The following KCNJ3 variants were observed in gnomAD, a reference collection of about 807,000 sequenced individuals.
The protein encoded by KCNJ3 is G protein-activated inward rectifier potassium channel 1.
Under a neutral mutation model 39.2 loss-of-function variants are expected in KCNJ3, and 4 were observed. The observed-to-expected ratio is 0.10, with a 90% CI of 0.05 to 0.23. KCNJ3 has a LOEUF of 0.23. KCNJ3 is among the 10% of genes least tolerant of loss of function. The probability of loss-of-function intolerance (pLI) is 1.00; values close to 1 mark genes in which losing one functional copy is unlikely to be tolerated. For synonymous variants in KCNJ3, 230 were observed against 237.4 expected, an observed-to-expected ratio of 0.97 and a Z score of 0.29; for missense variants, 276 against 634.9, an observed-to-expected ratio of 0.43 and a Z score of 6.08.
At chr2:154,756,700 T>C (rs1334314874) in intron 2 of KCNJ3, among the ~76,000 whole-genome samples, 3 of 152,068 alleles carry the variant, frequency 2.0e-5, no homozygotes, top group African/African-American at 4.8e-5. Context: ...CCATGGCACG[T>C]GTATACCTAT....
At chr2:154,850,248 C>T (rs781404009) in intron 2 of KCNJ3, among the ~76,000 whole-genome samples, 22 of 151,800 alleles carry the variant, frequency 1.4e-4, no homozygotes, top group Non-Finnish European at 3.1e-4. Context: ...ATAGTAGTCA[C>T]TTGCATTTAT....
intron 2 of KCNJ3, among the ~76,000 whole-genome samples, chr2:154,845,057 G>C (rs1339496499): frequency 6.6e-6 from 1 of 152,182 alleles, no homozygotes; most frequent in African/African-American, 2.4e-5. Context: ...CTGTAGACCA[G>C]AGCTGTTCCT....
At chr2:154,721,137 A>G (rs1685257842) in intron 2 of KCNJ3, among the ~76,000 whole-genome samples, 1 of 151,826 alleles carries the variant, frequency 6.6e-6, no homozygotes, top group Admixed American at 6.6e-5. Flanking sequence ...GATTTATTCT[A>G]TTCATTCAGT....
rs377117022 is a variant in KCNJ3 at position 154,832,589 on chromosome 2, G to A, written c.920-22138G>A. On this transcript the variant is annotated intron_variant, in intron 2 of 2. Coordinates refer to ENST00000295101, the MANE Select transcript of KCNJ3 (RefSeq NM_002239.4). ...CAATTGATGTCTGAAGACAGATTAA[G>A]AAAATAATATGTATTGCTTGAGGGA... 3.9e-5 allele frequency among the ~76,000 whole-genome samples: 6 copies of A among 152,232 alleles called. No homozygotes were observed. In the East Asian group the frequency reaches 9.6e-4, roughly 24 times the overall value.
intron 2 of KCNJ3, among the ~76,000 whole-genome samples, chr2:154,784,128 T>C (rs1686486435): frequency 6.6e-6 from 1 of 152,140 alleles, no homozygotes; most frequent in Admixed American, 6.5e-5. Flanking sequence ...CATAAGTACG[T>C]TTTGTGAATT....
At chr2:154,700,062 T>C (rs1359758059) in intron 1 of KCNJ3, among the ~76,000 whole-genome samples, 1 of 152,202 alleles carries the variant, frequency 6.6e-6, no homozygotes, top group African/African-American at 2.4e-5. Context: ...AAGAAGCAGA[T>C]AGTAAAGTGG....
At chr2:154,738,795 A>T (rs370902322) in intron 2 of KCNJ3, among the ~76,000 whole-genome samples, 1 of 152,108 alleles carries the variant, frequency 6.6e-6, no homozygotes, top group East Asian at 1.9e-4. Flanking sequence ...TTTCAAAAAA[A>T]GAAGGTGCAA....
chr2:154,801,485 CTTTTCTTTTCTTTTCTT>C (rs1686816068), intron 2 of KCNJ3, among the ~76,000 whole-genome samples: 1 of 149,404 alleles, frequency 6.7e-6, no homozygotes, highest in South Asian at 2.1e-4. Context: ...TCCCTCCTTT[CTTTTCTTTTCTTTTCTT>C]TTTTCTTTTC....
chr2:154,705,483 T>C (rs561388734), intron 1 of KCNJ3, among the ~76,000 whole-genome samples: 15 of 152,234 alleles, frequency 9.9e-5, no homozygotes, highest in African/African-American at 3.6e-4. Context: ...CCACCTATAG[T>C]CAGAATTGTA....
chr2:154,846,093 G>A (rs1687658929), intron 2 of KCNJ3, among the ~76,000 whole-genome samples: 1 of 152,162 alleles, frequency 6.6e-6, no homozygotes, highest in African/African-American at 2.4e-5. Context: ...ATATTTTTGA[G>A]AAAGTAGTTA....
intron 2 of KCNJ3, among the ~76,000 whole-genome samples, chr2:154,766,325 G>C (rs952445715): frequency 6.6e-6 from 1 of 152,064 alleles, no homozygotes; most frequent in African/African-American, 2.4e-5. Flanking sequence ...TAACAGGTCT[G>C]AGTGTAGTAT....
chr2:154,789,188 A>G (rs1195202521), intron 2 of KCNJ3, among the ~76,000 whole-genome samples: 1 of 152,088 alleles, frequency 6.6e-6, no homozygotes, highest in African/African-American at 2.4e-5. Flanking sequence ...ATATATGAAT[A>G]TTAGATTTTT....
chr2:154,756,551 T>TC (rs1415359613), intron 2 of KCNJ3, among the ~76,000 whole-genome samples: 1 of 149,166 alleles, frequency 6.7e-6, no homozygotes, highest in Non-Finnish European at 1.5e-5. Context: ...CCCTGATGTG[T>TC]GATGTTCCCC....
chr2:154,712,695 C>CG (rs901960152), intron 2 of KCNJ3, among the ~76,000 whole-genome samples: 1 of 151,804 alleles, frequency 6.6e-6, no homozygotes, highest in Non-Finnish European at 1.5e-5. Flanking sequence ...CATTGTGTTG[C>CG]GGGGGGTGAG....
chr2:154,736,329 T>A (rs956954172), intron 2 of KCNJ3, among the ~76,000 whole-genome samples: 1 of 142,990 alleles, frequency 7.0e-6, no homozygotes, highest in Non-Finnish European at 1.5e-5. Flanking sequence ...TGCCATTGCA[T>A]CTTGCCCTTT....
chr2:154,762,377 A>C (rs1372618244), intron 2 of KCNJ3, among the ~76,000 whole-genome samples: 1 of 152,200 alleles, frequency 6.6e-6, no homozygotes, highest in Non-Finnish European at 1.5e-5. Flanking sequence ...CTAGAAGTAG[A>C]GGCATTTAGA....
rs182085603 is a variant in KCNJ3 at position 154,803,599 on chromosome 2, G to A, written c.920-51128G>A. 3.5e-3 allele frequency among the ~76,000 whole-genome samples: 528 copies of A among 151,770 alleles called. 2 individuals carry two copies. The highest frequency in any genetic ancestry group is 6.8e-3 in the Middle Eastern group (2 of 292). On this transcript the variant is annotated intron_variant, in intron 2 of 2. Coordinates refer to ENST00000295101, the MANE Select transcript of KCNJ3 (RefSeq NM_002239.4). ...ATAATGAAGCTTAAACCAAATTATT[G>A]TATCCCTTTAATTATTATTTCAAAA...
At chr2:154,783,108 G>A (rs1231334024) in intron 2 of KCNJ3, among the ~76,000 whole-genome samples, 2 of 152,094 alleles carry the variant, frequency 1.3e-5, no homozygotes, top group African/African-American at 4.8e-5. Context: ...AACCCGGGAG[G>A]CGGAGGTTGC....
intron 2 of KCNJ3, among the ~76,000 whole-genome samples, chr2:154,832,208 T>C (rs918202010): frequency 2.6e-5 from 4 of 152,072 alleles, no homozygotes; most frequent in Admixed American, 2.6e-4. Context: ...TTCAGGAAGA[T>C]ATTTGAAGGG....
Sources: gnomAD v4.1 joint callset for allele counts (sites outside exome capture counted in the v4.1 genomes callset) on GRCh38, gnomAD v4.1.1 for gene constraint, MANE v1.5 for transcripts, NCBI Gene and HGNC (gene_info 2026-07-23, HGNC 2026-07-21) for gene names.